CDC45: variants seen among roughly 807,000 people sequenced by gnomAD.
CDC45 encodes the protein cell division cycle 45, also known as cell division control protein 45 homolog.
Under a neutral mutation model 77.8 loss-of-function variants are expected in CDC45, and 54 were observed. The observed-to-expected ratio is 0.69, with a 90% CI of 0.56 to 0.87. CDC45 has a LOEUF of 0.87. Among genes scored for constraint, CDC45 ranks in the 40% least tolerant of loss-of-function variants. CDC45 has a pLI of 0.00. For missense variants in CDC45, 649 were observed against 721.6 expected, an observed-to-expected ratio of 0.90 and a Z score of 1.15; for synonymous variants, 260 against 272.1, an observed-to-expected ratio of 0.96 and a Z score of 0.44.
At chr22:19,492,563 T>C (rs1382978019) in intron 5 of CDC45, among the ~76,000 whole-genome samples, 1 of 152,216 alleles carries the variant, frequency 6.6e-6, no homozygotes, top group African/African-American at 2.4e-5. Context: ...CTTTAAAATC[T>C]TGGGCAGATA....
intron 9 of CDC45, among the ~76,000 whole-genome samples, chr22:19,503,007 TA>T (rs60261121): frequency 7.4e-5 from 11 of 148,776 alleles, no homozygotes; most frequent in African/African-American, 2.0e-4. Flanking sequence ...TCTATAAAAA[TA>T]AAAAAAAAAT....
intron 10 of CDC45, among the ~76,000 whole-genome samples, chr22:19,507,170 C>G (rs13447261): frequency 6.6e-6 from 1 of 152,188 alleles, no homozygotes; most frequent in Non-Finnish European, 1.5e-5. Context: ...GCCTGTCAGA[C>G]GGATGGTGGT....
rs751887434 is a variant in CDC45 at position 19,516,537 on chromosome 22, G to A, written c.1451G>A (p.Arg484Gln). The change falls in exon 16 of 19, where the codon CGG becomes CAG. Residue 484 changes from arginine (R) to glutamine (Q), a missense_variant. Coordinates refer to ENST00000263201, the MANE Select transcript of CDC45 (RefSeq NM_003504.5). ...TCTCCGACTCCATAGACAAAGAACCGGCGCTGCAAACTGCTGCCCCTGGTG... is the reference window on the plus strand; with the variant it reads ...TCTCCGACTCCATAGACAAAGAACCAGCGCTGCAAACTGCTGCCCCTGGTG... ...LKSFVCSTKN[R>Q]RCKLLPLVMA... The A allele has an allele frequency of 2.0e-5, 32 of 1,613,744 alleles. No homozygotes were observed. Among genetic ancestry groups the A allele is most frequent in the Middle Eastern group, 1.6e-4 (1 of 6,084 alleles).
At chr22:19,492,086 G>A (rs1483178500) in intron 5 of CDC45, among the ~76,000 whole-genome samples, 2 of 152,098 alleles carry the variant, frequency 1.3e-5, no homozygotes, top group African/African-American at 2.4e-5. Context: ...GATTATAGGT[G>A]TGAACCACCA....
chr22:19,512,951 G>A (rs1933594147), intron 13 of CDC45, among the ~76,000 whole-genome samples: 1 of 152,190 alleles, frequency 6.6e-6, no homozygotes, highest in Admixed American at 6.5e-5. Flanking sequence ...GAGCTGGTGG[G>A]TGCAGAGACC....
chr22:19,519,663 G>T (rs1415016329), intron 18 of CDC45, among the ~76,000 whole-genome samples: 1 of 152,240 alleles, frequency 6.6e-6, no homozygotes, highest in Non-Finnish European at 1.5e-5. Context: ...GGTCCCTCAG[G>T]CCAGGCCTGG....
chr22:19,492,415 TTTTC>T (rs768065502), intron 5 of CDC45, among the ~76,000 whole-genome samples: 1 of 152,052 alleles, frequency 6.6e-6, no homozygotes, highest in African/African-American at 2.4e-5. Context: ...TATATATATA[TTTTC>T]TTTCTTTCTT....
chr22:19,505,462 C>T lies in CDC45; in HGVS notation c.805C>T (p.Arg269Trp), dbSNP rs775674265. The change falls in exon 10 of 19, where the codon CGG (arginine) becomes TGG (tryptophan). Residue 269 changes from arginine (R) to tryptophan (W), a missense_variant. By Grantham distance (101) the Arg-to-Trp change is moderately radical. Transcript: ENST00000263201. ...GAACACACTCTCCGTGGACTGCACA[C>T]GGATCTCCTTTGAGTATGAGTATCC... Reference protein sequence around the residue: ...EENTLSVDCTRISFEYDLRLV... With the variant: ...EENTLSVDCTWISFEYDLRLV... The T allele has an allele frequency of 1.5e-5, 25 of 1,613,970 alleles. No homozygotes were observed. Among genetic ancestry groups the T allele is most frequent in the Middle Eastern group, 3.3e-4 (2 of 6,078 alleles).
chr22:19,504,143 G>A (rs750349593), intron 9 of CDC45, among the ~76,000 whole-genome samples: 95 of 152,348 alleles, frequency 6.2e-4, no homozygotes, highest in Non-Finnish European at 1.1e-3. Flanking sequence ...CAGCAGGTTT[G>A]TATGCCTGCT....
chr22:19,520,214 C>G lies in CDC45; in HGVS notation c.*2-267C>G, dbSNP rs1602007114. Reference sequence around the variant, plus strand: ...GAGGGAGAGCCCCCATGGGAGGGTGCCAGGGGGCTGGCTGAGCAGCTGGGC... The same window carrying G: ...GAGGGAGAGCCCCCATGGGAGGGTGGCAGGGGGCTGGCTGAGCAGCTGGGC... On this transcript the variant is annotated intron_variant, in intron 18 of 18. Coordinates refer to ENST00000263201, the MANE Select transcript of CDC45 (RefSeq NM_003504.5). The surrounding 1 kb of genome is among the most constrained non-coding windows in gnomAD (Gnocchi z 4.5). 6.6e-6 allele frequency among the ~76,000 whole-genome samples: 1 copy of G among 152,114 alleles called. No homozygotes were observed. The highest frequency in any genetic ancestry group is 2.4e-5 in the African/African-American group (1 of 41,428).
At chr22:19,517,507 G>A (rs1280615650) in intron 17 of CDC45, among the ~76,000 whole-genome samples, 3 of 152,198 alleles carry the variant, frequency 2.0e-5, no homozygotes, top group Admixed American at 1.3e-4. Flanking sequence ...TAAAACAGAC[G>A]TATTGATATT....
intron 5 of CDC45, among the ~76,000 whole-genome samples, 188 bp downstream of exon 5, chr22:19,484,193 C>G (rs2090029686): frequency 6.6e-6 from 1 of 152,190 alleles, no homozygotes; most frequent in Admixed American, 6.5e-5. Flanking sequence ...ACTGGACTTC[C>G]CTAAATAGTG....
Position 19,480,193 on chromosome 22 carries a change from T to C in CDC45, c.87T>C (p.Ala29=). The C allele has an allele frequency of 1.9e-6, 3 of 1,613,972 alleles. No individual in the cohort carries two copies. The highest frequency in any genetic ancestry group is 2.5e-6 in the Non-Finnish European group (3 of 1,179,952). The change falls in exon 2 of 19, where the codon GCT becomes GCC. Residue 29 remains alanine (A), a synonymous_variant. Coordinates refer to ENST00000263201, the MANE Select transcript of CDC45 (RefSeq NM_003504.5). ...VLLFVASDVD[A]LCACKILQAL... ...TCTTCGTGGCCTCGGACGTGGATGC[T>C]CTGTGTGCGTGCAAGATCCTTCAGG...
chr22:19,481,341 C>T lies in CDC45; in HGVS notation c.204+296C>T, dbSNP rs191872618. 7.2e-5 allele frequency among the ~76,000 whole-genome samples: 11 copies of T among 151,892 alleles called. No homozygotes were observed. In the East Asian group the frequency reaches 2.1e-3, roughly 29 times the overall value. On this transcript the variant is annotated intron_variant, in intron 3 of 18. Transcript: ENST00000263201. ...GGAATCTAGCAGTTTTTAATATGGT[C>T]TAGTTAAAATTATTTTATTTTATTT...
intron 6 of CDC45, 49 bp from the exon 7 acceptor site, chr22:19,495,932 T>A (rs375553186): frequency 7.4e-7 from 1 of 1,343,592 alleles, no homozygotes; most frequent in East Asian, 2.3e-5. Context: ...ATATTTGGCT[T>A]CCTGTACTGC....
chr22:19,509,274 A>C (rs940038049), intron 13 of CDC45, among the ~76,000 whole-genome samples: 9 of 152,230 alleles, frequency 5.9e-5, no homozygotes, highest in African/African-American at 1.9e-4. Flanking sequence ...ATCCAAAGAG[A>C]GGAGGCTAAG....
At chr22:19,496,076 G>T in intron 7 of CDC45, 47 bp downstream of exon 7, 1 of 1,265,960 alleles carries the variant, frequency 7.9e-7, no homozygotes, top group South Asian at 1.2e-5. Flanking sequence ...GACTCCAGGG[G>T]TCAGTGTCCT....
upstream of CDC45, chr22:19,479,827 A>AAG (rs1479621718): frequency 2.3e-6 from 2 of 852,500 alleles, no homozygotes; most frequent in African/African-American, 3.3e-5. Context: ...CCCAATCAGA[A>AAG]AGAAAGGAAG....
chr22:19,479,829 G>T (rs1250636887), upstream of CDC45: 2 of 867,692 alleles, frequency 2.3e-6, no homozygotes, highest in East Asian at 5.0e-5. Flanking sequence ...CAATCAGAAA[G>T]AAAGGAAGGC....
Sources: allele counts gnomAD v4.1 joint callset (sites outside exome capture counted in the v4.1 genomes callset), GRCh38; gene constraint gnomAD v4.1.1; non-coding constraint Gnocchi (gnomAD v3.1); transcripts MANE v1.5; gene names NCBI Gene and HGNC (gene_info 2026-07-23, HGNC 2026-07-21).